ANK2: variants seen among roughly 807,000 people sequenced by gnomAD.
ANK2 encodes the protein ankyrin-2.
In ANK2, 83 loss-of-function variants were observed where a neutral mutation model predicts 360.5. That is an observed-to-expected ratio of 0.23 (90% CI 0.19 to 0.28). The LOEUF is 0.28. ANK2 is among the 10% of genes least tolerant of loss of function. ANK2 has a pLI of 1.00. For missense variants in ANK2, 4,201 were observed against 4,795.7 expected, an observed-to-expected ratio of 0.88 and a Z score of 3.66; for synonymous variants, 1,740 against 1,759.5, an observed-to-expected ratio of 0.99 and a Z score of 0.28.
chr4:113,305,130 G>A (rs1423754006), intron 23 of ANK2, among the ~76,000 whole-genome samples: 3 of 151,496 alleles, frequency 2.0e-5, no homozygotes, highest in African/African-American at 7.3e-5. Context: ...CACGAGGTCA[G>A]GAGATCGAGA....
At chr4:112,840,759 G>A (rs1369277497) in intron 1 of ANK2, among the ~76,000 whole-genome samples, 1 of 152,154 alleles carries the variant, frequency 6.6e-6, no homozygotes, top group Non-Finnish European at 1.5e-5. Context: ...GAGTCTAGTA[G>A]CATCATCCTC....
chr4:112,956,254 T>C (rs1191617536), intron 2 of ANK2, among the ~76,000 whole-genome samples: 1 of 152,234 alleles, frequency 6.6e-6, no homozygotes, highest in Non-Finnish European at 1.5e-5. Flanking sequence ...CAGGTTGAGG[T>C]ACGACAGCAC....
At chr4:112,830,020 G>A (rs1205972045) in intron 1 of ANK2, among the ~76,000 whole-genome samples, 4 of 152,012 alleles carry the variant, frequency 2.6e-5, no homozygotes, top group Admixed American at 6.5e-5. Flanking sequence ...GCGAGGTTGC[G>A]GAGAAAAGTG....
the ANK2 span, among the ~76,000 whole-genome samples, chr4:112,722,242 G>T: frequency 6.6e-6 from 1 of 152,100 alleles, no homozygotes; most frequent in Non-Finnish European, 1.5e-5. Context: ...CAAAGCATAC[G>T]AATTTGGACC....
the ANK2 span, chr4:112,788,569 G>T: frequency 1.9e-6 from 3 of 1,586,080 alleles, no homozygotes; most frequent in Non-Finnish European, 2.6e-6. Context: ...TTTGTCTCTG[G>T]TCTGTACTTG....
At chr4:113,014,983 C>T (rs537610354) in intron 2 of ANK2, among the ~76,000 whole-genome samples, 31 of 151,100 alleles carry the variant, frequency 2.1e-4, no homozygotes, top group African/African-American at 7.3e-4. Context: ...CTCAGCCTCC[C>T]GAGTAGCTGG....
At chr4:112,773,765 C>T in the ANK2 span, among the ~76,000 whole-genome samples, 1 of 151,982 alleles carries the variant, frequency 6.6e-6, no homozygotes, top group African/African-American at 2.4e-5. Context: ...AAATCTTTAT[C>T]CACCTAAGTA....
chr4:113,148,793 G>A (rs17482808), intron 1 of ANK2, among the ~76,000 whole-genome samples: 4,010 of 152,260 alleles, frequency 0.026, 82 homozygotes, highest in Non-Finnish European at 0.036. Context: ...TACTGGGAAC[G>A]TTCAAGGGAC....
At chr4:112,826,194 G>T in intron 1 of ANK2, 1 of 306,614 alleles carries the variant, frequency 3.3e-6, no homozygotes, top group South Asian at 4.6e-5. Flanking sequence ...CCCCAAATGT[G>T]TGACTTGTCA....
chr4:113,368,507 C>T (rs1321233411), intron 42 of ANK2, among the ~76,000 whole-genome samples: 1 of 152,150 alleles, frequency 6.6e-6, no homozygotes, highest in East Asian at 1.9e-4. Context: ...AAGCTGCAGG[C>T]CTAATTTGGC....
At chr4:113,296,828 T>C (rs2071790037) in intron 22 of ANK2, among the ~76,000 whole-genome samples, 1 of 152,204 alleles carries the variant, frequency 6.6e-6, no homozygotes, top group South Asian at 2.1e-4. Flanking sequence ...CTGTGACATA[T>C]GACTCATCCT....
At chr4:112,830,224 C>A (rs963214447) in intron 1 of ANK2, among the ~76,000 whole-genome samples, 1 of 152,162 alleles carries the variant, frequency 6.6e-6, no homozygotes, top group African/African-American at 2.4e-5. Flanking sequence ...GCACTACTCA[C>A]AACAGCAAAG....
rs60510554 is a variant in ANK2 at position 112,850,504 on chromosome 4, C to CTTTTTTTT, written c.-40+32263_-40+32270dup. Among the ~76,000 whole-genome samples the CTTTTTTTT allele has an allele frequency of 1.7e-3, 10 of 5,820 alleles. 4 individuals are homozygous for CTTTTTTTT. The highest frequency in any genetic ancestry group is 3.6e-3 in the African/African-American group (5 of 1,406). The allele number at this position is 5,820 out of a possible 152,430, so 3.8% of individuals were successfully genotyped here. On this transcript the variant is annotated intron_variant, in intron 1 of 30. Coordinates refer to the ANK2 transcript ENST00000503271. ...TTTTTTTAACATTTCCTGTGCTAGT[C>CTTTTTTTT]TTTTTTTTTTTTTTTTTTTTTTTTT...
chr4:113,190,078 TA>T (rs1489936899), intron 2 of ANK2, among the ~76,000 whole-genome samples: 4 of 150,994 alleles, frequency 2.6e-5, no homozygotes, highest in African/African-American at 2.4e-5. Flanking sequence ...TTTGTTACTG[TA>T]AAAAAAAACT....
intron 2 of ANK2, among the ~76,000 whole-genome samples, chr4:112,932,667 AAG>A (rs1307732507): frequency 6.7e-6 from 1 of 150,026 alleles, no homozygotes; most frequent in Non-Finnish European, 1.5e-5. Context: ...GCCAATGAGA[AAG>A]AGAGTCTTTA....
the ANK2 span, among the ~76,000 whole-genome samples, chr4:112,778,235 G>T: frequency 6.6e-6 from 1 of 152,164 alleles, no homozygotes; most frequent in Non-Finnish European, 1.5e-5. Flanking sequence ...CTCCCAAAGT[G>T]CTGGGATTAC....
At chr4:112,957,020 T>TTTG (rs2095366767) in intron 2 of ANK2, among the ~76,000 whole-genome samples, 1 of 146,140 alleles carries the variant, frequency 6.8e-6, no homozygotes, top group African/African-American at 2.5e-5. Context: ...TTTTTTTTTT[T>TTTG]TTTTTTTTTT....
chr4:112,943,304 G>A (rs1399185161), intron 2 of ANK2, among the ~76,000 whole-genome samples: 1 of 151,970 alleles, frequency 6.6e-6, no homozygotes, highest in Non-Finnish European at 1.5e-5. Flanking sequence ...TAAACTGTAA[G>A]TTCTTTTGCT....
chr4:112,764,136 G>A, the ANK2 span, among the ~76,000 whole-genome samples: 2 of 151,032 alleles, frequency 1.3e-5, no homozygotes, highest in Admixed American at 1.3e-4. Flanking sequence ...GTAGAGACGG[G>A]GTTTCACCAT....
Sources: allele counts gnomAD v4.1 joint callset (sites outside exome capture counted in the v4.1 genomes callset), GRCh38; gene constraint gnomAD v4.1.1; transcripts MANE v1.5; gene names NCBI Gene and HGNC (gene_info 2026-07-23, HGNC 2026-07-21).